Variants in MAGI2 observed in about 807,000 individuals in gnomAD.
The protein encoded by MAGI2 is membrane associated guanylate kinase, WW and PDZ domain containing 2.
Under a neutral mutation model 133.3 loss-of-function variants are expected in MAGI2, and 35 were observed. The observed-to-expected ratio is 0.26, with a 90% CI of 0.20 to 0.35. MAGI2 has a LOEUF of 0.35. MAGI2 is among the 10% of genes least tolerant of loss of function. The probability of loss-of-function intolerance (pLI) is 1.00; values close to 1 mark genes in which losing one functional copy is unlikely to be tolerated. For missense variants in MAGI2, 1,636 were observed against 1,863.4 expected, an observed-to-expected ratio of 0.88 and a Z score of 2.25; for synonymous variants, 729 against 710.6, an observed-to-expected ratio of 1.03 and a Z score of -0.41.
At chr7:79,297,500 C>T (rs189562942) in intron 1 of MAGI2, among the ~76,000 whole-genome samples, 1 of 152,170 alleles carries the variant, frequency 6.6e-6, no homozygotes, top group East Asian at 1.9e-4. Context: ...TTAATTTATT[C>T]TAATTAGTCA....
intron 3 of MAGI2, among the ~76,000 whole-genome samples, chr7:78,579,271 C>T (rs917817288): frequency 2.0e-5 from 3 of 152,106 alleles, no homozygotes; most frequent in African/African-American, 4.8e-5. Flanking sequence ...AGTGACTGAC[C>T]TAGAGAAGGT....
intron 4 of MAGI2, among the ~76,000 whole-genome samples, chr7:78,505,186 C>G (rs1794975543): frequency 2.6e-5 from 4 of 152,048 alleles, no homozygotes; most frequent in Admixed American, 2.6e-4. Context: ...CTTGCTGTCA[C>G]TATTAATTGC....
intron 2 of MAGI2, among the ~76,000 whole-genome samples, chr7:78,895,749 G>A (rs971939556): frequency 8.5e-5 from 13 of 152,118 alleles, no homozygotes; most frequent in African/African-American, 2.9e-4. Flanking sequence ...TGGTCAACTC[G>A]ATTCACTTGG....
chr7:78,261,740 G>A (rs1793538090), intron 9 of MAGI2, among the ~76,000 whole-genome samples: 1 of 152,012 alleles, frequency 6.6e-6, no homozygotes, highest in Non-Finnish European at 1.5e-5. Flanking sequence ...CATTAAAAAG[G>A]ATTATTTTTA....
In MAGI2 at chr7:78,346,074, C is replaced by T. The variant is rs1168287906; in HGVS notation, c.1104-31G>A. 3.7e-6 allele frequency: 6 copies of T among 1,612,494 alleles called. No individual in the cohort carries two copies. In the South Asian group the frequency reaches 4.4e-5, roughly 12 times the overall value. ...AAAGAAAATTTCAGATTAGGATAAC[C>T]GTGGGGCAAAGTTATTTAAAAGACC... On this transcript the variant is annotated intron_variant, in intron 7 of 21. Coordinates refer to ENST00000354212, the MANE Select transcript of MAGI2 (RefSeq NM_012301.4).
At chr7:78,440,659 T>TCATCTTTA (rs1787524132) in intron 6 of MAGI2, among the ~76,000 whole-genome samples, 1 of 152,126 alleles carries the variant, frequency 6.6e-6, no homozygotes, top group African/African-American at 2.4e-5. Context: ...AAGTTTAAAG[T>TCATCTTTA]ACCTGAGAGA....
intron 9 of MAGI2, among the ~76,000 whole-genome samples, chr7:78,282,613 AAT>A (rs1297350928): frequency 6.6e-6 from 1 of 152,106 alleles, no homozygotes; most frequent in Admixed American, 6.6e-5. Flanking sequence ...AGACTTTCTG[AAT>A]ATGTAATTTT....
chr7:78,175,064 C>A (rs2150670455), intron 14 of MAGI2, among the ~76,000 whole-genome samples: 1 of 152,292 alleles, frequency 6.6e-6, no homozygotes, highest in East Asian at 1.9e-4. Context: ...CCTTTCACTA[C>A]AATCAAACCA....
Position 78,616,470 on chromosome 7 carries a change from T to C in MAGI2, c.538+10650A>G, listed in dbSNP as rs573900847. 7 of 152,194 alleles carry C rather than the reference T, an allele frequency of 4.6e-5. No individual in the cohort carries two copies. In the South Asian group the frequency reaches 8.3e-4, roughly 18 times the overall value. The allele number at this position is 152,194 out of a possible 1,614,324, so 9.4% of individuals were successfully genotyped here. A position where few individuals can be genotyped will look rare whatever the true frequency, so the allele number is the denominator to read the frequency against. ...TGTGTGGAAGGAGTGATTGAAGGTA[T>C]AGTTTTGTTGACCAAATGTACTGTT... is the stretch of plus-strand genomic sequence containing the variant. On this transcript the variant is annotated intron_variant, in intron 3 of 21. Coordinates refer to ENST00000354212, the MANE Select transcript of MAGI2 (RefSeq NM_012301.4).
chr7:78,419,348 G>A (rs2151397216), intron 6 of MAGI2, among the ~76,000 whole-genome samples: 1 of 152,138 alleles, frequency 6.6e-6, no homozygotes, highest in South Asian at 2.1e-4. Flanking sequence ...CTGGTGTGTA[G>A]CCCTTCAGAG....
At chr7:79,125,971 C>T (rs918384345) in intron 1 of MAGI2, among the ~76,000 whole-genome samples, 1 of 152,106 alleles carries the variant, frequency 6.6e-6, no homozygotes, top group Non-Finnish European at 1.5e-5. Flanking sequence ...CACTCATATG[C>T]GTAGGCAAAA....
intron 9 of MAGI2, among the ~76,000 whole-genome samples, chr7:78,338,104 G>GT (rs562009849): frequency 2.4e-4 from 37 of 152,176 alleles, no homozygotes; most frequent in African/African-American, 8.4e-4. Context: ...TGATATTTTG[G>GT]TTTTTTTATT....
intron 6 of MAGI2, chr7:78,487,012 A>G (rs1463041568): frequency 1.7e-5 from 9 of 520,664 alleles, no homozygotes; most frequent in Non-Finnish European, 3.5e-5. Context: ...TTCCAGCACA[A>G]AGAGAAATGT....
chr7:78,956,852 A>G (rs1463222026), intron 2 of MAGI2, among the ~76,000 whole-genome samples: 2 of 152,226 alleles, frequency 1.3e-5, no homozygotes, highest in Non-Finnish European at 2.9e-5. Flanking sequence ...AAACAGCAAC[A>G]TACTATCAAA....
intron 1 of MAGI2, among the ~76,000 whole-genome samples, chr7:79,435,548 A>ATAATTAG (rs1848075127): frequency 6.6e-6 from 1 of 152,226 alleles, no homozygotes; most frequent in Non-Finnish European, 1.5e-5. Flanking sequence ...AATTTATAGC[A>ATAATTAG]TAATTAGTAG....
intron 6 of MAGI2, among the ~76,000 whole-genome samples, chr7:78,391,393 A>G (rs1040790146): frequency 3.3e-5 from 5 of 152,192 alleles, no homozygotes; most frequent in African/African-American, 1.2e-4. Flanking sequence ...ATTCTCTGGC[A>G]TTCACATGAT....
chr7:78,404,571 G>T (rs1048604609), intron 6 of MAGI2, among the ~76,000 whole-genome samples: 8 of 152,100 alleles, frequency 5.3e-5, no homozygotes, highest in Non-Finnish European at 1.2e-4. Flanking sequence ...AATGGGGAAA[G>T]GATTCCCTAT....
intron 6 of MAGI2, among the ~76,000 whole-genome samples, chr7:78,460,128 G>C (rs1345471855): frequency 1.3e-5 from 2 of 152,208 alleles, no homozygotes; most frequent in African/African-American, 4.8e-5. Context: ...ATGGCATCAT[G>C]TGATCATACT....
chr7:78,400,192 C>T (rs1796730300), intron 6 of MAGI2, among the ~76,000 whole-genome samples: 1 of 152,146 alleles, frequency 6.6e-6, no homozygotes, highest in African/African-American at 2.4e-5. Context: ...CTAAGATTCT[C>T]CAGAGAAAAT....
Sources: gnomAD v4.1 joint callset for allele counts (sites outside exome capture counted in the v4.1 genomes callset) on GRCh38, gnomAD v4.1.1 for gene constraint, MANE v1.5 for transcripts, NCBI Gene and HGNC (gene_info 2026-07-23, HGNC 2026-07-21) for gene names.